ARHGEF28: variants seen among roughly 807,000 people sequenced by gnomAD.
ARHGEF28 encodes the protein 190 kDa guanine nucleotide exchange factor.
Under a neutral mutation model 206.6 loss-of-function variants are expected in ARHGEF28, and 152 were observed. That is an observed-to-expected ratio of 0.74 (90% confidence interval 0.64 to 0.84). The LOEUF (loss-of-function observed/expected upper bound fraction) is 0.84. Ranked by LOEUF, ARHGEF28 falls within the 40% of genes least tolerant of loss-of-function variation. ARHGEF28 has a pLI of 0.00. For missense variants in ARHGEF28, 2,028 were observed against 2,073.2 expected, an observed-to-expected ratio of 0.98 and a Z score of 0.42; for synonymous variants, 763 against 776.4, an observed-to-expected ratio of 0.98 and a Z score of 0.29.
chr5:73,715,390 A>G (rs1199990869), intron 2 of ARHGEF28, among the ~76,000 whole-genome samples: 3 of 152,164 alleles, frequency 2.0e-5, no homozygotes, highest in Non-Finnish European at 4.4e-5. Context: ...AGGAGACACA[A>G]GAGTTGAGCC....
chr5:73,677,288 G>A (rs908845952), intron 1 of ARHGEF28, among the ~76,000 whole-genome samples: 4 of 152,154 alleles, frequency 2.6e-5, no homozygotes, highest in Admixed American at 2.0e-4. Context: ...GAATCGTTAA[G>A]TAACAAGGAC....
chr5:73,704,022 T>A (rs1344374614), intron 2 of ARHGEF28, among the ~76,000 whole-genome samples: 1 of 144,924 alleles, frequency 6.9e-6, no homozygotes, highest in African/African-American at 2.6e-5. Context: ...AGACTCTGTC[T>A]AAAAAAAAAA....
chr5:73,913,179 T>A (rs16871020), intron 35 of ARHGEF28, among the ~76,000 whole-genome samples: 19,846 of 152,192 alleles, frequency 0.13, 2,774 homozygotes, highest in African/African-American at 0.35. Flanking sequence ...AGAAATTGTA[T>A]GTCCAGAGTA....
chr5:73,712,597 C>G (rs1348500449), intron 2 of ARHGEF28, among the ~76,000 whole-genome samples: 1 of 152,086 alleles, frequency 6.6e-6, no homozygotes, highest in Admixed American at 6.6e-5. Flanking sequence ...AAACTGAGAC[C>G]CAATTTGCAT....
intron 2 of ARHGEF28, among the ~76,000 whole-genome samples, chr5:73,725,871 T>A (rs1038501313): frequency 6.6e-6 from 1 of 152,190 alleles, no homozygotes; most frequent in Non-Finnish European, 1.5e-5. Flanking sequence ...TGGCTACTAT[T>A]TTGGATGTCT....
intron 12 of ARHGEF28, among the ~76,000 whole-genome samples, chr5:73,847,238 C>A (rs2931445): frequency 0.67 from 101,197 of 152,060 alleles, 35,459 homozygotes; most frequent in African/African-American, 0.9. Context: ...ATAATACCTT[C>A]TTTTTGTAGC....
intron 2 of ARHGEF28, among the ~76,000 whole-genome samples, chr5:73,721,064 T>C (rs376057017): frequency 1.3e-5 from 2 of 152,328 alleles, no homozygotes; most frequent in East Asian, 3.9e-4. Context: ...ACTAAAGTCT[T>C]TGTTTTGAGA....
At chr5:73,705,583 C>G (rs1230536662) in intron 2 of ARHGEF28, among the ~76,000 whole-genome samples, 2 of 151,354 alleles carry the variant, frequency 1.3e-5, no homozygotes, top group East Asian at 3.9e-4. Flanking sequence ...TTAAGACCAC[C>G]TGGTGGCCAT....
chr5:73,763,372 A>G (rs1752714244), intron 4 of ARHGEF28, among the ~76,000 whole-genome samples: 1 of 152,068 alleles, frequency 6.6e-6, no homozygotes, highest in African/African-American at 2.4e-5. Flanking sequence ...CTTTGGACAC[A>G]AGACACTGGC....
At chr5:73,678,885 A>G (rs1294433747) in intron 1 of ARHGEF28, among the ~76,000 whole-genome samples, 1 of 152,110 alleles carries the variant, frequency 6.6e-6, no homozygotes, top group Non-Finnish European at 1.5e-5. Context: ...AACAATGTAT[A>G]TATATTTTGA....
At chr5:73,766,273 A>G (rs1434225958) in intron 4 of ARHGEF28, among the ~76,000 whole-genome samples, 1 of 152,250 alleles carries the variant, frequency 6.6e-6, no homozygotes, top group Non-Finnish European at 1.5e-5. Flanking sequence ...TAAAAAATAT[A>G]AGTACTTCTG....
intron 2 of ARHGEF28, among the ~76,000 whole-genome samples, chr5:73,713,782 A>T (rs1366057931): frequency 6.6e-6 from 1 of 152,212 alleles, no homozygotes; most frequent in East Asian, 1.9e-4. Flanking sequence ...TTTTATGCAC[A>T]TCTTAAAGGA....
At chr5:73,785,256 C>T (rs1036252860) in intron 7 of ARHGEF28, among the ~76,000 whole-genome samples, 2 of 152,118 alleles carry the variant, frequency 1.3e-5, no homozygotes, top group African/African-American at 4.8e-5. Flanking sequence ...GTCAAGAAAC[C>T]TATATAATCT....
At chr5:73,839,543 A>C (rs1464052531) in intron 10 of ARHGEF28, among the ~76,000 whole-genome samples, 1 of 152,126 alleles carries the variant, frequency 6.6e-6, no homozygotes, top group Non-Finnish European at 1.5e-5. Flanking sequence ...CCTTTCTTAG[A>C]GCAAGTGCTT....
At chr5:73,711,008 C>A (rs757790623) in intron 2 of ARHGEF28, among the ~76,000 whole-genome samples, 1 of 152,162 alleles carries the variant, frequency 6.6e-6, no homozygotes, top group Non-Finnish European at 1.5e-5. Flanking sequence ...TCGGCCTTAA[C>A]AAATTTTAAA....
chr5:73,782,126 G>A (rs934550361), intron 7 of ARHGEF28, among the ~76,000 whole-genome samples: 9 of 106,008 alleles, frequency 8.5e-5, no homozygotes, highest in African/African-American at 3.3e-4. Flanking sequence ...TTACCTGCAT[G>A]TTTGTTAAAA....
At chr5:73,824,814 C>T (rs757302798) in intron 9 of ARHGEF28, among the ~76,000 whole-genome samples, 1 of 151,946 alleles carries the variant, frequency 6.6e-6, no homozygotes, top group Non-Finnish European at 1.5e-5. Context: ...AGGGCTCCAT[C>T]CTGGGCCCAG....
chr5:73,935,313 G>A (rs753503761), intron 35 of ARHGEF28, among the ~76,000 whole-genome samples: 1 of 152,084 alleles, frequency 6.6e-6, no homozygotes, highest in Non-Finnish European at 1.5e-5. Context: ...TTTATTTCAG[G>A]TGCAGTATTG....
chr5:73,653,577 G>T (rs767686891), intron 1 of ARHGEF28, among the ~76,000 whole-genome samples: 2 of 152,182 alleles, frequency 1.3e-5, no homozygotes. Flanking sequence ...GCCTCCTTGT[G>T]TCTTGCACAT....
Sources: allele counts gnomAD v4.1 joint callset (sites outside exome capture counted in the v4.1 genomes callset), GRCh38; gene constraint gnomAD v4.1.1; transcripts MANE v1.5; gene names NCBI Gene and HGNC (gene_info 2026-07-23, HGNC 2026-07-21).